SLC6A3: variants seen among roughly 807,000 people sequenced by gnomAD.
SLC6A3 encodes solute carrier family 6 member 3.
In SLC6A3, 19 loss-of-function variants were observed where a neutral mutation model predicts 70.4. The observed-to-expected ratio is 0.27, with a 90% CI of 0.19 to 0.40. The LOEUF (loss-of-function observed/expected upper bound fraction) is 0.40. Ranked by LOEUF, SLC6A3 falls within the 10% of genes least tolerant of loss-of-function variation. The probability of loss-of-function intolerance (pLI) is 1.00; values close to 1 mark genes in which losing one functional copy is unlikely to be tolerated. For synonymous variants in SLC6A3, 368 were observed against 356.6 expected, an observed-to-expected ratio of 1.03 and a Z score of -0.36; for missense variants, 613 against 838.5, an observed-to-expected ratio of 0.73 and a Z score of 3.32.
At chr5:1,441,682 A>G (rs1253365712) in intron 2 of SLC6A3, among the ~76,000 whole-genome samples, 192 bp from the exon 3 acceptor site, 1 of 152,162 alleles carries the variant, frequency 6.6e-6, no homozygotes, top group Non-Finnish European at 1.5e-5. Flanking sequence ...AGTGCCTGAC[A>G]CGTCCCTCCT....
rs773634376 is a variant in SLC6A3 at position 1,432,689 on chromosome 5, A to T, written c.428T>A (p.Phe143Tyr). Reference sequence around the variant, plus strand: ...ATACAGTGAGATGAGGATGACCGTGAAGCCCACACCTAGCGGGAAGGGGGA... The same window carrying T: ...ATACAGTGAGATGAGGATGACCGTGTAGCCCACACCTAGCGGGAAGGGGGA... Reference protein sequence around the residue: ...KICPILKGVGFTVILISLYVG... With the variant: ...KICPILKGVGYTVILISLYVG... The change falls in exon 4 of 15, where the codon TTC (phenylalanine) becomes TAC (tyrosine). Residue 143 changes from phenylalanine (F) to tyrosine (Y), a missense_variant. By Grantham distance (22) the Phe-to-Tyr change is conservative (BLOSUM62 3). Coordinates refer to ENST00000270349, the MANE Select transcript of SLC6A3 (RefSeq NM_001044.5). The T allele has an allele frequency of 6.2e-7, 1 of 1,613,902 alleles. No homozygotes were observed. The highest frequency in any genetic ancestry group is 8.5e-7 in the Non-Finnish European group (1 of 1,179,786).
At position 1,414,035 on chromosome 5, in the gene SLC6A3, C is replaced by T. The variant is rs145145690; in HGVS notation, c.1156+656G>A. 5.3e-4 allele frequency among the ~76,000 whole-genome samples: 80 copies of T among 152,326 alleles called. 1 individual carries two copies. The highest frequency in any genetic ancestry group is 2.9e-3 in the East Asian group (15 of 5,188). On this transcript the variant is annotated intron_variant, in intron 8 of 14. Transcript: ENST00000270349. The stretch of plus-strand genomic sequence containing the variant: ...ACTCCAGGCGTGCAGGGACACTCAG[C>T]GTCATGCGTCGGCCTGGGGAGCGGG...
chr5:1,409,495 G>C (rs983154561), intron 10 of SLC6A3, among the ~76,000 whole-genome samples: 1 of 152,094 alleles, frequency 6.6e-6, no homozygotes, highest in East Asian at 1.9e-4. Context: ...CTTCAGCCTG[G>C]GGTGCTTCTG....
chr5:1,409,192 T>C (rs1286673633), intron 10 of SLC6A3, 67 bp from the exon 11 acceptor site: 1 of 1,136,534 alleles, frequency 8.8e-7, no homozygotes, highest in African/African-American at 1.5e-5. Flanking sequence ...AGCCTGGGGA[T>C]TCACTGTGCA....
rs543546686 is a variant in SLC6A3, at chr5:1,406,891, G to A, written c.1499-603C>T. On this transcript the variant is annotated intron_variant, in intron 11 of 14. Transcript: ENST00000270349. This position sits in a 1 kb window ranked among gnomAD's most constrained non-coding sequence, Gnocchi z 8.8. ...GGGAACCTCCCGTCAGTGGAGTCAC[G>A]TGGCACGGGGCCTCTGCAACTGGTT... 7.9e-4 allele frequency among the ~76,000 whole-genome samples: 121 copies of A among 152,242 alleles called. No homozygotes were observed. The highest frequency in any genetic ancestry group is 2.8e-3 in the African/African-American group (115 of 41,550).
In SLC6A3 at chr5:1,422,423, C is replaced by A. The variant is rs375978431; in HGVS notation, c.654-409G>T. 3.2e-3 allele frequency among the ~76,000 whole-genome samples: 352 copies of A among 109,710 alleles called. 4 individuals are homozygous for A. The highest frequency in any genetic ancestry group is 8.4e-3 in the African/African-American group (226 of 26,922). The allele number at this position is 109,710 out of a possible 152,430, so 72.0% of individuals were successfully genotyped here. A position where few individuals can be genotyped will look rare whatever the true frequency, so the allele number is the denominator to read the frequency against. On this transcript the variant is annotated intron_variant, in intron 4 of 14. Coordinates refer to ENST00000270349, the MANE Select transcript of SLC6A3 (RefSeq NM_001044.5). ...CCACCGCTGCCCACGGTGCTGCCCA[C>A]GCTGCTGGGTACCCACCGCTGCCCA...
At position 1,397,551 on chromosome 5, in the gene SLC6A3, C is replaced by T. The variant is rs1755750652; in HGVS notation, c.1840-2793G>A. On this transcript the variant is annotated intron_variant, in intron 14 of 14. Transcript: ENST00000270349. This position sits in a 1 kb window ranked among gnomAD's most constrained non-coding sequence, Gnocchi z 4.7. The stretch of plus-strand genomic sequence containing the variant: ...CCGAGTGCAGGGGTGAGGACAGAGC[C>T]CACCACAGAGCAGGCTCACAGGCCA... Among the ~76,000 whole-genome samples the T allele has an allele frequency of 6.6e-6, 1 of 152,148 alleles. No homozygotes were observed. The highest frequency in any genetic ancestry group is 2.1e-4 in the South Asian group (1 of 4,822).
rs763338514 is a variant in SLC6A3 at position 1,414,832 on chromosome 5, C to G, written c.1032-17G>C. 1.2e-6 allele frequency: 2 copies of G among 1,612,784 alleles called. No homozygotes were observed. The highest frequency in any genetic ancestry group is 4.5e-5 in the East Asian group (2 of 44,880). ...ATCGCGTCCCTGTAAGAACAAGACA[C>G]GCCGTCTCAGGAACCAGCTGAGCTG... On this transcript the variant is annotated splice_polypyrimidine_tract_variant and intron_variant, in intron 7 of 14. Transcript: ENST00000270349.
At chr5:1,414,083 C>T (rs1248462493) in intron 8 of SLC6A3, among the ~76,000 whole-genome samples, 3 of 152,152 alleles carry the variant, frequency 2.0e-5, no homozygotes, top group Non-Finnish European at 4.4e-5. Flanking sequence ...GTGCTGGAGG[C>T]CCCAGGGATC....
rs1377099091 is a variant in SLC6A3 at position 1,414,974 on chromosome 5, G to A, written c.1032-159C>T. Among the ~76,000 whole-genome samples the A allele has an allele frequency of 3.3e-5, 5 of 152,164 alleles. No individual in the cohort carries two copies. The East Asian group carries it at 9.6e-4, about 29-fold the overall frequency. ...GCACGGCCAGCTCCTTAGCAGCCTG[G>A]CAGAGCTGTCCTTGGGCCACCTTGG... On this transcript the variant is annotated intron_variant, in intron 7 of 14. Coordinates refer to ENST00000270349, the MANE Select transcript of SLC6A3 (RefSeq NM_001044.5).
intron 8 of SLC6A3, among the ~76,000 whole-genome samples, chr5:1,414,043 G>A (rs1303471978): frequency 3.3e-5 from 5 of 152,174 alleles, no homozygotes; most frequent in African/African-American, 7.2e-5. Flanking sequence ...AGCGTCATGC[G>A]TCGGCCTGGG....
rs1756176741 is a variant in SLC6A3 at position 1,413,570 on chromosome 5, A to G, written c.1156+1121T>C. On this transcript the variant is annotated intron_variant, in intron 8 of 14. Coordinates refer to ENST00000270349, the MANE Select transcript of SLC6A3 (RefSeq NM_001044.5). This position sits in a 1 kb window ranked among gnomAD's most constrained non-coding sequence, Gnocchi z 7.1. ...CGGGACAGGGGCTTTTCTGAGCACA[A>G]TCATTCCTCACAAATGTAGTGCCCC... 2.0e-5 allele frequency among the ~76,000 whole-genome samples: 3 copies of G among 152,206 alleles called. No individual in the cohort carries two copies. Among genetic ancestry groups the G allele is most frequent in the South Asian group, 2.1e-4 (1 of 4,832 alleles).
intron 9 of SLC6A3, 40 bp from the exon 10 acceptor site, chr5:1,409,889 G>C: frequency 1.9e-6 from 3 of 1,610,836 alleles, no homozygotes; most frequent in Non-Finnish European, 2.5e-6. Flanking sequence ...GGCTGGCGGC[G>C]CTCCTGACCG....
chr5:1,419,323 T>TCATCCATC (rs59372317), intron 6 of SLC6A3, among the ~76,000 whole-genome samples: 37,865 of 142,660 alleles, frequency 0.27, 5,345 homozygotes, highest in East Asian at 0.34. Context: ...TACCTAGCAT[T>TCATCCATC]CATCCATCCA....
intron 10 of SLC6A3, among the ~76,000 whole-genome samples, chr5:1,409,510 A>T (rs1756063077): frequency 6.6e-6 from 1 of 151,992 alleles, no homozygotes; most frequent in Non-Finnish European, 1.5e-5. Flanking sequence ...CTTCTGGGGG[A>T]GCTGTCCAGG....
chr5:1,444,471 C>T (rs566164009), intron 1 of SLC6A3, among the ~76,000 whole-genome samples: 1 of 152,122 alleles, frequency 6.6e-6, no homozygotes, highest in East Asian at 1.9e-4. Context: ...TGCGCACACA[C>T]ACACAACGAC....
At chr5:1,414,518 GCA>G (rs1756226867) in intron 8 of SLC6A3, among the ~76,000 whole-genome samples, 171 bp downstream of exon 8, 2 of 151,506 alleles carry the variant, frequency 1.3e-5, no homozygotes, top group African/African-American at 2.4e-5. Context: ...CTGGGTGGGG[GCA>G]GGTCTGTACT....
chr5:1,408,562 C>G lies in SLC6A3; in HGVS notation c.1498+464G>C, dbSNP rs1756041568. ...CACTGGTGGAAGTCCCAGGACACAG[C>G]TGGGGCAGCACAATGGGCCAGGAGC... On this transcript the variant is annotated intron_variant, in intron 11 of 14. Coordinates refer to ENST00000270349, the MANE Select transcript of SLC6A3 (RefSeq NM_001044.5). The surrounding 1 kb of genome is among the most constrained non-coding windows in gnomAD (Gnocchi z 6.4). 6.6e-6 allele frequency among the ~76,000 whole-genome samples: 1 copy of G among 152,182 alleles called. No individual in the cohort carries two copies. The highest frequency in any genetic ancestry group is 2.4e-5 in the African/African-American group (1 of 41,446).
intron 14 of SLC6A3, among the ~76,000 whole-genome samples, chr5:1,398,584 C>A (rs1022668944): frequency 6.6e-6 from 1 of 152,182 alleles, no homozygotes; most frequent in South Asian, 2.1e-4. Context: ...CAACTGTCAG[C>A]GTAAAAAATT....
Sources: gnomAD v4.1 joint callset for allele counts (sites outside exome capture counted in the v4.1 genomes callset) on GRCh38, gnomAD v4.1.1 for gene constraint, Gnocchi (gnomAD v3.1) non-coding constraint, MANE v1.5 for transcripts, NCBI Gene and HGNC (gene_info 2026-07-23, HGNC 2026-07-21) for gene names.